Variants in PALLD observed in about 807,000 individuals in gnomAD.
PALLD encodes palladin, cytoskeletal associated protein.
In PALLD, 61 loss-of-function variants were observed where a neutral mutation model predicts 123.5. That is an observed-to-expected ratio of 0.49 (90% CI 0.40 to 0.61). The LOEUF (loss-of-function observed/expected upper bound fraction) is 0.61. Among genes scored for constraint, PALLD ranks in the 20% least tolerant of loss-of-function variants. The pLI, the probability that PALLD is intolerant of heterozygous loss-of-function variation, is 0.00. For synonymous variants in PALLD, 465 were observed against 496.4 expected (o/e 0.94, Z 0.84); for missense variants, 1,273 against 1,377.0 (o/e 0.92, Z 1.20).
At chr4:168,503,519 C>A (rs540370121) in intron 1 of PALLD, among the ~76,000 whole-genome samples, 1 of 151,690 alleles carries the variant, frequency 6.6e-6, no homozygotes, top group Non-Finnish European at 1.5e-5. Context: ...TGGTGGTGGG[C>A]GCCTGTAGTC....
chr4:168,924,855 G>A lies in PALLD; in HGVS notation c.3225-90G>A, dbSNP rs983488446. On this transcript the variant is annotated intron_variant, in intron 19 of 21. Coordinates refer to ENST00000505667, the MANE Select transcript of PALLD (RefSeq NM_001166108.2). The stretch of plus-strand genomic sequence containing the variant: ...TATTATCAGCTACTTGCACAATTCT[G>A]TTTCTAATGATCTAATTAAAAATGA... 5 of 1,309,578 alleles carry A rather than the reference G, an allele frequency of 3.8e-6. No individual in the cohort carries two copies. In the African/African-American group the frequency reaches 5.8e-5, roughly 15 times the overall value. 81.1% of individuals were successfully genotyped at this position (1,309,578 alleles called of 1,614,324 possible). A position where few individuals can be genotyped will look rare whatever the true frequency, so the allele number is the denominator to read the frequency against.
intron 10 of PALLD, among the ~76,000 whole-genome samples, chr4:168,839,014 A>T (rs1294396264): frequency 6.6e-6 from 1 of 152,160 alleles, no homozygotes; most frequent in Non-Finnish European, 1.5e-5. Flanking sequence ...GTGCAGTGGC[A>T]TGATCATGGC....
chr4:168,896,496 C>G, intron 12 of PALLD, 53 bp from the exon 13 acceptor site: 1 of 1,026,050 alleles, frequency 9.7e-7, no homozygotes, highest in South Asian at 1.4e-5. Flanking sequence ...AATCTTGCTG[C>G]ATTCTTATTA....
intron 2 of PALLD, among the ~76,000 whole-genome samples, chr4:168,554,240 A>AT (rs1452383920): frequency 6.6e-6 from 1 of 152,004 alleles, no homozygotes; most frequent in African/African-American, 2.4e-5. Context: ...TCCTTGCTTT[A>AT]TTTTTCTGAG....
intron 10 of PALLD, among the ~76,000 whole-genome samples, chr4:168,884,102 CAA>C (rs1456436153): frequency 6.6e-6 from 1 of 152,112 alleles, no homozygotes; most frequent in Admixed American, 6.5e-5. Flanking sequence ...TATAGGAAAA[CAA>C]ACTCAGTTGC....
chr4:168,862,820 A>C (rs1213753621), intron 10 of PALLD, among the ~76,000 whole-genome samples: 2 of 152,230 alleles, frequency 1.3e-5, no homozygotes, highest in African/African-American at 4.8e-5. Context: ...GCTTAGGGAA[A>C]GCATATACAT....
intron 10 of PALLD, among the ~76,000 whole-genome samples, chr4:168,766,183 G>T (rs1184937570): frequency 6.6e-6 from 1 of 152,140 alleles, no homozygotes; most frequent in East Asian, 1.9e-4. Context: ...ACCACAATAG[G>T]TTCTTAAGAA....
At chr4:168,890,328 G>T (rs532259909) in intron 10 of PALLD, among the ~76,000 whole-genome samples, 1 of 152,226 alleles carries the variant, frequency 6.6e-6, no homozygotes, top group South Asian at 2.1e-4. Flanking sequence ...GAGCCCTCTT[G>T]TATAAAATAG....
At chr4:168,611,229 G>T (rs1773698693) in intron 2 of PALLD, among the ~76,000 whole-genome samples, 2 of 152,234 alleles carry the variant, frequency 1.3e-5, no homozygotes, top group Admixed American at 6.5e-5. Context: ...TTTCCTGACA[G>T]CTGCCACAAC....
intron 15 of PALLD, among the ~76,000 whole-genome samples, chr4:168,907,638 T>G (rs2151347882): frequency 6.6e-6 from 1 of 152,304 alleles, no homozygotes; most frequent in Middle Eastern, 3.4e-3. Flanking sequence ...GTTACTGCCC[T>G]TATTCCAGGC....
intron 2 of PALLD, among the ~76,000 whole-genome samples, chr4:168,555,022 T>G (rs1328321863): frequency 6.6e-6 from 1 of 152,250 alleles, no homozygotes. Context: ...TCTATTTTTG[T>G]ATTTTTATTT....
intron 2 of PALLD, among the ~76,000 whole-genome samples, chr4:168,599,024 A>G (rs953747308): frequency 1.3e-5 from 2 of 152,190 alleles, no homozygotes; most frequent in Admixed American, 6.6e-5. Flanking sequence ...GAAACTTTCT[A>G]AAAGGTCTTT....
At chr4:168,883,649 G>A (rs1752936610) in intron 10 of PALLD, among the ~76,000 whole-genome samples, 1 of 152,194 alleles carries the variant, frequency 6.6e-6, no homozygotes, top group African/African-American at 2.4e-5. Context: ...GATTGAATCT[G>A]GAAAATTTTA....
intron 2 of PALLD, among the ~76,000 whole-genome samples, chr4:168,634,019 TGATGGCA>T (rs1399261768): frequency 6.6e-6 from 1 of 152,232 alleles, no homozygotes; most frequent in Non-Finnish European, 1.5e-5. Flanking sequence ...TCCTGTGATG[TGATGGCA>T]GATGGCAGTT....
chr4:168,559,763 A>T (rs62335470), intron 2 of PALLD, among the ~76,000 whole-genome samples: 20,280 of 152,006 alleles, frequency 0.13, 1,786 homozygotes, highest in South Asian at 0.21. Context: ...CAGATATGGT[A>T]GTGTGCCTAG....
intron 10 of PALLD, chr4:168,885,452 CTG>C (rs1337161340): frequency 2.6e-5 from 4 of 152,142 alleles, no homozygotes; most frequent in Admixed American, 1.3e-4. Context: ...ATGAAGTACT[CTG>C]TATTTTTAAA....
intron 1 of PALLD, among the ~76,000 whole-genome samples, chr4:168,500,584 C>G (rs1761297398): frequency 6.6e-6 from 1 of 152,186 alleles, no homozygotes; most frequent in African/African-American, 2.4e-5. Context: ...CTATGTTGCC[C>G]AGGCTGGTAT....
chr4:168,741,679 A>T (rs1009581773), intron 10 of PALLD, among the ~76,000 whole-genome samples: 3 of 152,120 alleles, frequency 2.0e-5, no homozygotes, highest in African/African-American at 7.2e-5. Context: ...GTACAATCCT[A>T]TCTCAAAAAC....
intron 13 of PALLD, 72 bp downstream of exon 13, chr4:168,896,671 CGT>C (rs1560876980): frequency 3.6e-6 from 3 of 833,366 alleles, no homozygotes; most frequent in Non-Finnish European, 5.8e-6. Flanking sequence ...TCCTGTTTTA[CGT>C]GTGTTTCTAT....
Sources: gnomAD v4.1 joint callset for allele counts (sites outside exome capture counted in the v4.1 genomes callset) on GRCh38, gnomAD v4.1.1 for gene constraint, MANE v1.5 for transcripts, NCBI Gene and HGNC (gene_info 2026-07-23, HGNC 2026-07-21) for gene names.